Variants in CCDC60 observed in about 807,000 individuals in gnomAD.
CCDC60 encodes the protein coiled-coil domain-containing protein 60.
Under a neutral mutation model 63.5 loss-of-function variants are expected in CCDC60, and 54 were observed. The ratio of observed to expected loss-of-function variants is 0.85; its 90% CI spans 0.68 to 1.07. The LOEUF (loss-of-function observed/expected upper bound fraction) is 1.07, where lower values mean the gene tolerates loss of function less well. Among genes scored for constraint, CCDC60 ranks in the 50% least tolerant of loss-of-function variants. CCDC60 has a pLI of 0.00. For missense variants in CCDC60, 651 were observed against 684.3 expected, an observed-to-expected ratio of 0.95 and a Z score of 0.54; for synonymous variants, 206 against 238.8, an observed-to-expected ratio of 0.86 and a Z score of 1.27.
intron 1 of CCDC60, among the ~76,000 whole-genome samples, chr12:119,366,397 A>G (rs1955841054): frequency 6.6e-6 from 1 of 152,188 alleles, no homozygotes; most frequent in Admixed American, 6.5e-5. Flanking sequence ...GTCTGTCTTC[A>G]AAACTCATGT....
intron 9 of CCDC60, among the ~76,000 whole-genome samples, chr12:119,521,305 C>G (rs1952521956): frequency 6.6e-6 from 1 of 152,172 alleles, no homozygotes; most frequent in African/African-American, 2.4e-5. Context: ...TTTTTCCCAT[C>G]TGCATTCATG....
At chr12:119,366,571 C>G (rs1246746819) in intron 1 of CCDC60, among the ~76,000 whole-genome samples, 1 of 152,214 alleles carries the variant, frequency 6.6e-6, no homozygotes, top group East Asian at 1.9e-4. Flanking sequence ...GACACACACA[C>G]AGAAAACTGT....
At chr12:119,476,498 C>T (rs1951181223) in intron 3 of CCDC60, among the ~76,000 whole-genome samples, 1 of 152,172 alleles carries the variant, frequency 6.6e-6, no homozygotes, top group South Asian at 2.1e-4. Context: ...TTTGTTAACT[C>T]TGTGATTCCA....
intron 2 of CCDC60, among the ~76,000 whole-genome samples, chr12:119,453,662 T>A (rs1950674141): frequency 1.3e-5 from 2 of 152,196 alleles, no homozygotes; most frequent in African/African-American, 4.8e-5. Flanking sequence ...TAAGTGCCAC[T>A]TCCCAGAACT....
intron 1 of CCDC60, among the ~76,000 whole-genome samples, chr12:119,341,219 A>G (rs189165692): frequency 9.3e-4 from 142 of 152,328 alleles, no homozygotes; most frequent in Middle Eastern, 3.4e-3. Context: ...TCCATGATAA[A>G]TCAGGATGCA....
chr12:119,336,642 T>C (rs978378552), intron 1 of CCDC60, among the ~76,000 whole-genome samples: 11 of 152,200 alleles, frequency 7.2e-5, no homozygotes, highest in African/African-American at 2.7e-4. Flanking sequence ...GGTGAATTGC[T>C]TAGCCTCTCT....
chr12:119,516,740 CT>C, intron 8 of CCDC60, 33 bp downstream of exon 8: 1 of 1,448,956 alleles, frequency 6.9e-7, no homozygotes, highest in Non-Finnish European at 9.7e-7. Context: ...GCAAATAAAG[CT>C]TAGAATAATA....
chr12:119,480,597 C>T (rs566388878), intron 4 of CCDC60, among the ~76,000 whole-genome samples: 2 of 151,958 alleles, frequency 1.3e-5, no homozygotes, highest in African/African-American at 2.4e-5. Context: ...TCATCACCAT[C>T]ATCACCATCA....
chr12:119,482,531 A>C (rs1366601372), intron 4 of CCDC60, among the ~76,000 whole-genome samples: 1 of 152,154 alleles, frequency 6.6e-6, no homozygotes, highest in African/African-American at 2.4e-5. Context: ...ATAAAGTTTT[A>C]TTTACAAAAC....
At chr12:119,467,558 C>T (rs553601817) in intron 2 of CCDC60, among the ~76,000 whole-genome samples, 49 of 152,362 alleles carry the variant, frequency 3.2e-4, no homozygotes, top group African/African-American at 1.2e-3. Context: ...GAAGAGGGAC[C>T]TCACCAGAAC....
At position 119,403,018 on chromosome 12, in the gene CCDC60, G is replaced by A. The variant is rs140903941; in HGVS notation, c.91-25665G>A. On this transcript the variant is annotated intron_variant, in intron 1 of 13. Coordinates refer to ENST00000327554, the MANE Select transcript of CCDC60 (RefSeq NM_178499.5). ...TAGGAATAATGAGTTCCAAGTGTTC[G>A]AACATTATCTCCAGATACATACTCT... Among the ~76,000 whole-genome samples, 551 of 152,230 alleles carry A rather than the reference G, an allele frequency of 3.6e-3. 2 individuals are homozygous for A. Among genetic ancestry groups the A allele is most frequent in the Non-Finnish European group, 6.3e-3 (431 of 68,014 alleles).
rs779916594 is a variant in CCDC60, at chr12:119,522,930, G to T, written c.1041-9G>T. ...CTGAGCAACTTGAAACCATCCTTTT[G>T]TGTTTCAGTGAGAGATCCAGCAGTA... On this transcript the variant is annotated splice_polypyrimidine_tract_variant and intron_variant, in intron 9 of 13. Transcript: ENST00000327554. 2 of 1,613,754 alleles carry T rather than the reference G, an allele frequency of 1.2e-6. No individual in the cohort carries two copies. Among genetic ancestry groups the T allele is most frequent in the Non-Finnish European group, 1.7e-6 (2 of 1,179,648 alleles).
intron 2 of CCDC60, among the ~76,000 whole-genome samples, chr12:119,433,112 C>T (rs549591113): frequency 3.3e-5 from 5 of 152,018 alleles, no homozygotes; most frequent in East Asian, 3.9e-4. Flanking sequence ...ATATTTGCAC[C>T]GTGGAAATCA....
At chr12:119,436,942 G>A (rs1950337506) in intron 2 of CCDC60, among the ~76,000 whole-genome samples, 1 of 152,174 alleles carries the variant, frequency 6.6e-6, no homozygotes, top group Admixed American at 6.5e-5. Flanking sequence ...GGATTTCCAT[G>A]AGACCTTTCA....
At chr12:119,351,958 G>GT (rs1189671045) in intron 1 of CCDC60, among the ~76,000 whole-genome samples, 5 of 152,084 alleles carry the variant, frequency 3.3e-5, no homozygotes, top group African/African-American at 1.2e-4. Flanking sequence ...TCAATTTTCT[G>GT]TATTAGTCAG....
At chr12:119,485,905 C>A (rs12425423) in intron 4 of CCDC60, among the ~76,000 whole-genome samples, 7 of 152,176 alleles carry the variant, frequency 4.6e-5, no homozygotes, top group Non-Finnish European at 1.5e-5. Flanking sequence ...TGCTCACATG[C>A]CCCGCTTCCC....
intron 1 of CCDC60, among the ~76,000 whole-genome samples, chr12:119,353,178 G>A (rs1955674530): frequency 6.6e-6 from 1 of 151,744 alleles, no homozygotes; most frequent in South Asian, 2.1e-4. Context: ...ATAAGAACAT[G>A]GTCCTCCTGC....
Position 119,540,776 on chromosome 12 carries a change from T to TATACTGCCTGTGTTCCTGC in CCDC60, c.*63_*64insACTGCCTGTGTTCCTGCAT. 8.3e-7 allele frequency: 1 copy of TATACTGCCTGTGTTCCTGC among 1,199,838 alleles called. No homozygotes were observed. Among genetic ancestry groups the TATACTGCCTGTGTTCCTGC allele is most frequent in the Non-Finnish European group, 1.2e-6 (1 of 815,772 alleles). 74.3% of individuals were successfully genotyped at this position (1,199,838 alleles called of 1,614,324 possible). The stretch of plus-strand genomic sequence containing the variant: ...AGTGTTTGCCTATATCATGTTCCTG[T>TATACTGCCTGTGTTCCTGC]ATCCTGCCTGTGTTCCTGCCTCCTG... On this transcript the variant is annotated 3_prime_UTR_variant, in exon 14 of 14. Coordinates refer to ENST00000327554, the MANE Select transcript of CCDC60 (RefSeq NM_178499.5).
At chr12:119,451,733 A>C (rs1950639407) in intron 2 of CCDC60, among the ~76,000 whole-genome samples, 1 of 152,232 alleles carries the variant, frequency 6.6e-6, no homozygotes, top group African/African-American at 2.4e-5. Flanking sequence ...TCCAATAAAG[A>C]TATCAGGAAG....
Sources: gnomAD v4.1 joint callset for allele counts (sites outside exome capture counted in the v4.1 genomes callset) on GRCh38, gnomAD v4.1.1 for gene constraint, MANE v1.5 for transcripts, NCBI Gene and HGNC (gene_info 2026-07-23, HGNC 2026-07-21) for gene names.